CACNB4: variants seen among roughly 807,000 people sequenced by gnomAD.
The protein encoded by CACNB4 is voltage-dependent L-type calcium channel subunit beta-4.
A neutral mutation model predicts 71.2 loss-of-function variants in CACNB4; 32 were observed. The ratio of observed to expected loss-of-function variants is 0.45; its 90% CI spans 0.34 to 0.60. The LOEUF is 0.60. Among genes scored for constraint, CACNB4 ranks in the 20% least tolerant of loss-of-function variants. CACNB4 has a pLI of 0.01. For synonymous variants in CACNB4, 231 were observed against 236.9 expected, an observed-to-expected ratio of 0.97 and a Z score of 0.23; for missense variants, 464 against 647.9, an observed-to-expected ratio of 0.72 and a Z score of 3.08.
At chr2:151,906,402 A>C (rs1383952866) in intron 2 of CACNB4, among the ~76,000 whole-genome samples, 1 of 152,196 alleles carries the variant, frequency 6.6e-6, no homozygotes, top group African/African-American at 2.4e-5. Flanking sequence ...GCAATCATTG[A>C]GCATTAGTAC....
At chr2:151,873,029 C>T (rs1294392319) in intron 5 of CACNB4, 3 of 152,228 alleles carry the variant, frequency 2.0e-5, no homozygotes, top group Non-Finnish European at 4.4e-5. Flanking sequence ...GAGCTGCCAC[C>T]TTCCTACTTT....
intron 2 of CACNB4, among the ~76,000 whole-genome samples, chr2:151,956,991 C>G (rs1193587612): frequency 2.0e-5 from 3 of 152,040 alleles, no homozygotes; most frequent in Non-Finnish European, 2.9e-5. Flanking sequence ...ATTAAAAATA[C>G]AAAAATTAGC....
intron 2 of CACNB4, among the ~76,000 whole-genome samples, chr2:151,945,078 A>G (rs1326735126): frequency 1.3e-5 from 2 of 152,310 alleles, no homozygotes; most frequent in South Asian, 2.1e-4. Context: ...TCTCAGTAGA[A>G]CTTCCAGTAA....
intron 2 of CACNB4, among the ~76,000 whole-genome samples, chr2:151,935,171 A>G (rs1234748700): frequency 6.6e-6 from 1 of 152,246 alleles, no homozygotes; most frequent in Non-Finnish European, 1.5e-5. Context: ...CTTGCATAGT[A>G]TTATACAGCT....
chr2:152,051,806 C>A (rs2105294326), intron 2 of CACNB4, among the ~76,000 whole-genome samples: 1 of 152,314 alleles, frequency 6.6e-6, no homozygotes, highest in South Asian at 2.1e-4. Context: ...CAGTCACTCC[C>A]CAATCCCTCC....
chr2:152,027,382 A>G (rs766099277), intron 2 of CACNB4, among the ~76,000 whole-genome samples: 27 of 152,236 alleles, frequency 1.8e-4, no homozygotes, highest in Non-Finnish European at 3.1e-4. Context: ...AGAGCTTACA[A>G]TCTAGCAGAA....
At chr2:152,043,114 G>A (rs2105255112) in intron 2 of CACNB4, among the ~76,000 whole-genome samples, 1 of 152,244 alleles carries the variant, frequency 6.6e-6, no homozygotes. Flanking sequence ...TCCTTTCCCA[G>A]AAAACTCATG....
intron 2 of CACNB4, among the ~76,000 whole-genome samples, chr2:151,939,451 G>A (rs1352198906): frequency 1.3e-5 from 2 of 152,150 alleles, no homozygotes; most frequent in African/African-American, 4.8e-5. Context: ...CCCCAGACAA[G>A]GGGATCAGAC....
rs1046950840 is a variant in CACNB4, at chr2:151,832,776, G to A, written c.*6343C>T. The stretch of plus-strand genomic sequence containing the variant: ...AAGGAGAGGTATAACGCTGGTTTCA[G>A]TGTTTTTTTCATTTATTATATAAAA... On this transcript the variant is annotated 3_prime_UTR_variant, in exon 14 of 14. Transcript: ENST00000539935. The A allele has an allele frequency of 6.6e-6, 1 of 151,770 alleles. No homozygotes were observed. The highest frequency in any genetic ancestry group is 6.6e-5 in the Admixed American group (1 of 15,250). The allele number at this position is 151,770 out of a possible 1,614,324, so 9.4% of individuals were successfully genotyped here.
intron 2 of CACNB4, among the ~76,000 whole-genome samples, chr2:152,001,181 C>T (rs1682378263): frequency 6.6e-6 from 1 of 152,148 alleles, no homozygotes; most frequent in Admixed American, 6.5e-5. Context: ...GGGATCAGAG[C>T]ACATGGCCTT....
intron 12 of CACNB4, chr2:151,851,779 AC>A (rs2099839122): frequency 6.6e-6 from 1 of 152,242 alleles, no homozygotes. Context: ...TTCCCAGAAG[AC>A]CAAACTGATA....
At chr2:151,875,777 G>A (rs1385214836) in intron 5 of CACNB4, among the ~76,000 whole-genome samples, 2 of 121,648 alleles carry the variant, frequency 1.6e-5, no homozygotes, top group Non-Finnish European at 3.5e-5. Context: ...TCCCGGACGG[G>A]GCGGCTGGCC....
chr2:151,894,418 G>C (rs1051352548), intron 2 of CACNB4, among the ~76,000 whole-genome samples: 1 of 151,960 alleles, frequency 6.6e-6, no homozygotes, highest in African/African-American at 2.4e-5. Flanking sequence ...AACAAATTAG[G>C]GATAAAAGGA....
At chr2:151,944,140 T>C (rs1461310969) in intron 2 of CACNB4, among the ~76,000 whole-genome samples, 1 of 151,756 alleles carries the variant, frequency 6.6e-6, no homozygotes, top group Admixed American at 6.6e-5. Flanking sequence ...GTTATCCTCC[T>C]GCCTCAGTCT....
intron 2 of CACNB4, among the ~76,000 whole-genome samples, chr2:151,985,247 T>C (rs1020125403): frequency 2.6e-5 from 4 of 152,188 alleles, no homozygotes; most frequent in African/African-American, 9.6e-5. Context: ...TAGAATATGC[T>C]ATATGTAAAC....
chr2:152,003,075 T>G (rs1019223179), intron 2 of CACNB4, among the ~76,000 whole-genome samples: 8 of 152,200 alleles, frequency 5.3e-5, no homozygotes, highest in African/African-American at 1.9e-4. Flanking sequence ...AATATAAAGT[T>G]TTGCCTGATA....
At chr2:151,946,482 C>G (rs1289985688) in intron 2 of CACNB4, among the ~76,000 whole-genome samples, 5 of 152,194 alleles carry the variant, frequency 3.3e-5, no homozygotes, top group African/African-American at 1.2e-4. Context: ...ACTCACTCCA[C>G]TAAAGGTTGT....
intron 2 of CACNB4, among the ~76,000 whole-genome samples, chr2:151,930,316 G>T (rs2099861327): frequency 6.6e-6 from 1 of 151,872 alleles, no homozygotes; most frequent in African/African-American, 2.4e-5. Flanking sequence ...AAAAAGTTAG[G>T]GTGGATTCCT....
At chr2:152,017,812 T>C (rs1579136990) in intron 2 of CACNB4, among the ~76,000 whole-genome samples, 1 of 152,114 alleles carries the variant, frequency 6.6e-6, no homozygotes, top group African/African-American at 2.4e-5. Flanking sequence ...GATCAAAGAC[T>C]GTTTCTTTTA....
Sources: allele counts gnomAD v4.1 joint callset (sites outside exome capture counted in the v4.1 genomes callset), GRCh38; gene constraint gnomAD v4.1.1; transcripts MANE v1.5; gene names NCBI Gene and HGNC (gene_info 2026-07-23, HGNC 2026-07-21).